Variants in RBKS observed in about 807,000 individuals in gnomAD.
The protein encoded by RBKS is ribokinase.
A neutral mutation model predicts 33.9 loss-of-function variants in RBKS; 33 were observed. That is an observed-to-expected ratio of 0.97 (90% CI 0.74 to 1.30). The LOEUF (loss-of-function observed/expected upper bound fraction) is 1.30, where lower values mean the gene tolerates loss of function less well. Ranked by LOEUF, RBKS falls within the 50% of genes most tolerant of loss-of-function variation. RBKS has a pLI of 0.00. For missense variants in RBKS, 361 were observed against 392.6 expected, an observed-to-expected ratio of 0.92 and a Z score of 0.68; for synonymous variants, 125 against 143.0, an observed-to-expected ratio of 0.87 and a Z score of 0.90.
intron 7 of RBKS, among the ~76,000 whole-genome samples, chr2:27,788,749 C>G (rs1677453674): frequency 6.6e-6 from 1 of 152,066 alleles, no homozygotes; most frequent in South Asian, 2.1e-4. Flanking sequence ...TCAAAGTTAT[C>G]AAAACATTTG....
At chr2:27,860,184 TACTC>T (rs1432090587) in intron 1 of RBKS, among the ~76,000 whole-genome samples, 1 of 152,216 alleles carries the variant, frequency 6.6e-6, no homozygotes, top group African/African-American at 2.4e-5. Flanking sequence ...CTGAAAAAGG[TACTC>T]AATCAAGAGA....
In RBKS at chr2:27,864,111, C is replaced by T. The variant is rs549643031; in HGVS notation, c.90-5540G>A. On this transcript the variant is annotated intron_variant, in intron 1 of 7. Coordinates refer to ENST00000302188, the MANE Select transcript of RBKS (RefSeq NM_022128.3). ...GTACAACCACAGCTCACTGTAACCT[C>T]GAACTCCTGGGCTCAAGCAATCCTC... is the stretch of plus-strand genomic sequence containing the variant. Among the ~76,000 whole-genome samples, 9 of 152,078 alleles carry T rather than the reference C, an allele frequency of 5.9e-5. No homozygotes were observed. The East Asian group carries it at 7.7e-4, about 13-fold the overall frequency.
At chr2:27,820,355 G>T (rs1298518597) in intron 7 of RBKS, among the ~76,000 whole-genome samples, 1 of 152,110 alleles carries the variant, frequency 6.6e-6, no homozygotes, top group Non-Finnish European at 1.5e-5. Flanking sequence ...TTTACTTAGA[G>T]ATAGCTAGAG....
intron 1 of RBKS, among the ~76,000 whole-genome samples, chr2:27,888,438 T>C (rs1664596888): frequency 6.6e-6 from 1 of 152,216 alleles, no homozygotes; most frequent in Non-Finnish European, 1.5e-5. Context: ...ACTTTAGTTT[T>C]CTTACTCTTC....
At chr2:27,835,914 T>C (rs1053946102) in intron 5 of RBKS, among the ~76,000 whole-genome samples, 1 of 152,020 alleles carries the variant, frequency 6.6e-6, no homozygotes, top group Admixed American at 6.6e-5. Flanking sequence ...AAGACATTAC[T>C]CTTAAAACAC....
At chr2:27,796,288 T>C (rs1233636445) in intron 7 of RBKS, among the ~76,000 whole-genome samples, 1 of 152,218 alleles carries the variant, frequency 6.6e-6, no homozygotes, top group Admixed American at 6.5e-5. Flanking sequence ...GTGATTTTCC[T>C]GTAAGTCAAG....
At chr2:27,848,163 A>G (rs531473691) in intron 2 of RBKS, 66 bp from the exon 3 acceptor site, 2 of 900,846 alleles carry the variant, frequency 2.2e-6, no homozygotes, top group East Asian at 2.6e-5. Flanking sequence ...TGTAGTTTTT[A>G]GAATACTTAG....
intron 1 of RBKS, among the ~76,000 whole-genome samples, chr2:27,883,575 G>A (rs930711566): frequency 1.3e-5 from 2 of 152,086 alleles, no homozygotes; most frequent in Non-Finnish European, 2.9e-5. Flanking sequence ...AAATACTAGA[G>A]CAAAACTCAT....
chr2:27,789,973 G>GTATATATATATATA (rs1285630907), intron 7 of RBKS, among the ~76,000 whole-genome samples: 2 of 85,256 alleles, frequency 2.3e-5, no homozygotes, highest in African/African-American at 9.7e-5. Flanking sequence ...ATATATATAT[G>GTATATATATATATA]TATATATATA....
intron 4 of RBKS, among the ~76,000 whole-genome samples, chr2:27,843,770 T>C (rs535030472): frequency 5.2e-4 from 79 of 152,310 alleles, no homozygotes; most frequent in African/African-American, 1.7e-3. Flanking sequence ...ACCTGGCTTA[T>C]ACTATAATGG....
In RBKS at chr2:27,801,952, A is replaced by G. The variant is rs1466714871; in HGVS notation, c.796-20164T>C. Among the ~76,000 whole-genome samples the G allele has an allele frequency of 4.1e-4, 19 of 46,836 alleles. No homozygotes were observed. The South Asian group carries it at 0.012, about 30-fold the overall frequency. 30.7% of individuals were successfully genotyped at this position (46,836 alleles called of 152,430 possible). A position where few individuals can be genotyped will look rare whatever the true frequency, so the allele number is the denominator to read the frequency against. ...TCTCAGTTTCCCGAGTAGCTGGGGA[A>G]AAAAAAAAAAAATATATATATATAT... is the stretch of plus-strand genomic sequence containing the variant. On this transcript the variant is annotated intron_variant, in intron 7 of 7. Transcript: ENST00000302188.
rs1330887091 is a variant in RBKS at position 27,824,465 on chromosome 2, T to C, written c.795+3102A>G. ...ATCTATTCTGAATATTTCATTTAAATGGAATCATATAATATGTTAACACTT... is the reference window on the plus strand; with the variant it reads ...ATCTATTCTGAATATTTCATTTAAACGGAATCATATAATATGTTAACACTT... On this transcript the variant is annotated intron_variant, in intron 7 of 7. Transcript: ENST00000302188. 2.0e-5 allele frequency among the ~76,000 whole-genome samples: 3 copies of C among 152,230 alleles called. No homozygotes were observed. The East Asian group carries it at 5.8e-4, about 29-fold the overall frequency.
At chr2:27,791,767 A>G (rs1677532291) in intron 7 of RBKS, among the ~76,000 whole-genome samples, 1 of 152,102 alleles carries the variant, frequency 6.6e-6, no homozygotes, top group Non-Finnish European at 1.5e-5. Flanking sequence ...CATTTATATG[A>G]AATCCTAGAA....
chr2:27,878,872 G>A (rs1664368528), intron 1 of RBKS, among the ~76,000 whole-genome samples: 1 of 152,088 alleles, frequency 6.6e-6, no homozygotes, highest in South Asian at 2.1e-4. Context: ...ACTTTTTGAT[G>A]GGGTTGTTCT....
intron 1 of RBKS, among the ~76,000 whole-genome samples, chr2:27,888,405 G>A (rs1331328088): frequency 1.3e-5 from 2 of 152,168 alleles, no homozygotes; most frequent in African/African-American, 2.4e-5. Flanking sequence ...GGGATTACAG[G>A]TATGAGCCAC....
At chr2:27,839,586 T>C (rs1192147399) in intron 5 of RBKS, among the ~76,000 whole-genome samples, 1 of 152,234 alleles carries the variant, frequency 6.6e-6, no homozygotes, top group Non-Finnish European at 1.5e-5. Flanking sequence ...CCTCTGGATT[T>C]TCATAACTGA....
intron 1 of RBKS, chr2:27,861,668 G>GGGA (rs1379941192): frequency 2.3e-6 from 1 of 429,802 alleles, no homozygotes; most frequent in African/African-American, 2.1e-5. Flanking sequence ...CTTTTTGGGG[G>GGGA]GGGGGTGGAG....
chr2:27,854,387 CA>C (rs1303654283), intron 2 of RBKS, among the ~76,000 whole-genome samples: 1 of 152,140 alleles, frequency 6.6e-6, no homozygotes, highest in African/African-American at 2.4e-5. Flanking sequence ...AGGAGGCCAG[CA>C]GGTCTTATTT....
chr2:27,883,621 CAG>C (rs1664464674), intron 1 of RBKS, among the ~76,000 whole-genome samples: 1 of 152,200 alleles, frequency 6.6e-6, no homozygotes, highest in Non-Finnish European at 1.5e-5. Flanking sequence ...CCTTAGGTTA[CAG>C]ACATGAAAAG....
Sources: allele counts gnomAD v4.1 joint callset (sites outside exome capture counted in the v4.1 genomes callset), GRCh38; gene constraint gnomAD v4.1.1; transcripts MANE v1.5; gene names NCBI Gene and HGNC (gene_info 2026-07-23, HGNC 2026-07-21).